ADGRV1: variants seen among roughly 807,000 people sequenced by gnomAD.
ADGRV1 encodes G-protein coupled receptor 98.
ADGRV1 carries 359 observed loss-of-function variants against 596.2 expected under a neutral mutation model. The ratio of observed to expected loss-of-function variants is 0.60; its 90% CI spans 0.55 to 0.66. ADGRV1 has a LOEUF of 0.66. ADGRV1 is among the 30% of genes least tolerant of loss of function. The probability of loss-of-function intolerance (pLI) is 0.00; values close to 1 mark genes in which losing one functional copy is unlikely to be tolerated. For synonymous variants in ADGRV1, 2,681 were observed against 2,679.2 expected (o/e 1.00, Z -0.02); for missense variants, 7,274 against 7,575.6 (o/e 0.96, Z 1.48).
intron 85 of ADGRV1, among the ~76,000 whole-genome samples, chr5:91,000,726 T>C (rs1781791579): frequency 6.9e-6 from 1 of 145,146 alleles, no homozygotes; most frequent in African/African-American, 2.6e-5. Flanking sequence ...ACATTTATTA[T>C]AAGGAATGGC....
chr5:91,019,997 A>G (rs112889366), intron 85 of ADGRV1, among the ~76,000 whole-genome samples: 2,272 of 152,138 alleles, frequency 0.015, 53 homozygotes, highest in African/African-American at 0.052. Flanking sequence ...TGGGCCTGTC[A>G]AAGCCTTAGT....
rs564372034 is a variant in ADGRV1 at position 90,843,412 on chromosome 5, C to T, written c.17019+2427C>T. Among the ~76,000 whole-genome samples the T allele has an allele frequency of 7.7e-5, 10 of 130,016 alleles. No homozygotes were observed. The South Asian group carries it at 1.2e-3, about 15-fold the overall frequency. The allele number at this position is 130,016 out of a possible 152,430, so 85.3% of individuals were successfully genotyped here. The stretch of plus-strand genomic sequence containing the variant: ...AAGTGCTATTTAAAAATCAATGGGT[C>T]GAAAATATTATTCAGCAAATAGTGT... On this transcript the variant is annotated intron_variant, in intron 78 of 89. Coordinates refer to ENST00000405460, the MANE Select transcript of ADGRV1 (RefSeq NM_032119.4).
Position 90,628,562 on chromosome 5 carries a change from A to T in ADGRV1, c.1239A>T (p.Arg413Ser). ...ATGTATTTCTTTTAAAACATTTAAG[A>T]TATGAAGAAATCACAGTGGTTAGAA... ...TVIIDEDRIS[R>S]YEEITVVRNG... The change falls in exon 8 of 90, where the codon AGA becomes AGT. Residue 413 changes from arginine to serine, a missense_variant and splice_region_variant. Arg to Ser is a moderately radical substitution (Grantham distance 110). Transcript: ENST00000405460. 1 of 1,612,476 alleles carries T rather than the reference A, an allele frequency of 6.2e-7. No homozygotes were observed. The highest frequency in any genetic ancestry group is 8.5e-7 in the Non-Finnish European group (1 of 1,178,604).
intron 85 of ADGRV1, among the ~76,000 whole-genome samples, chr5:91,061,696 G>T (rs1465117329): frequency 6.6e-6 from 1 of 152,106 alleles, no homozygotes; most frequent in East Asian, 1.9e-4. Flanking sequence ...TACATTTTAA[G>T]CACTTAAAAA....
At chr5:90,582,284 T>C (rs559220271) in intron 1 of ADGRV1, among the ~76,000 whole-genome samples, 2 of 152,278 alleles carry the variant, frequency 1.3e-5, no homozygotes, top group Admixed American at 6.5e-5. Flanking sequence ...ACACTGTCAG[T>C]GGAATGTTGA....
At chr5:91,019,053 C>T (rs1160913527) in intron 85 of ADGRV1, among the ~76,000 whole-genome samples, 1 of 151,936 alleles carries the variant, frequency 6.6e-6, no homozygotes, top group East Asian at 1.9e-4. Flanking sequence ...TTCAACAGTT[C>T]CAACAGAAGT....
At chr5:90,847,274 G>A (rs1245293685) in intron 78 of ADGRV1, among the ~76,000 whole-genome samples, 1 of 151,486 alleles carries the variant, frequency 6.6e-6, no homozygotes, top group Non-Finnish European at 1.5e-5. Context: ...GTCCCCACCA[G>A]ATTAACTAGA....
intron 85 of ADGRV1, among the ~76,000 whole-genome samples, chr5:91,023,937 T>G (rs540070969): frequency 3.9e-5 from 6 of 152,280 alleles, no homozygotes; most frequent in Non-Finnish European, 7.4e-5. Context: ...TTTCGTGTTT[T>G]TCATCTTAAA....
chr5:90,817,533 T>G (rs553156482), intron 75 of ADGRV1, among the ~76,000 whole-genome samples: 58 of 151,856 alleles, frequency 3.8e-4, no homozygotes, highest in Admixed American at 1.4e-3. Context: ...CTTCTAGGGT[T>G]TTTATGGTTT....
At chr5:91,026,810 A>G (rs1468398442) in intron 85 of ADGRV1, among the ~76,000 whole-genome samples, 1 of 152,138 alleles carries the variant, frequency 6.6e-6, no homozygotes, top group East Asian at 1.9e-4. Context: ...CTGCAACGAG[A>G]ATAGGATCCG....
intron 85 of ADGRV1, among the ~76,000 whole-genome samples, chr5:91,034,180 T>C (rs988176018): frequency 2.6e-5 from 4 of 152,136 alleles, no homozygotes; most frequent in African/African-American, 9.6e-5. Flanking sequence ...AGACCAAATC[T>C]AGTATAGGCG....
At chr5:91,144,064 G>C (rs141254452) in intron 87 of ADGRV1, among the ~76,000 whole-genome samples, 1,871 of 152,154 alleles carry the variant, frequency 0.012, 33 homozygotes, top group African/African-American at 0.04. Context: ...AGTGGGAGCG[G>C]GCCTGCAGGG....
intron 83 of ADGRV1, among the ~76,000 whole-genome samples, chr5:90,864,444 G>T (rs1219076619): frequency 6.6e-6 from 1 of 152,108 alleles, no homozygotes. Context: ...TATCCATACG[G>T]TGTTCATAGT....
In ADGRV1 at chr5:90,791,252, A is replaced by G. The variant is rs1760040160; in HGVS notation, c.14423A>G (p.Lys4808Arg). The change falls in exon 70 of 90, where the codon AAA becomes AGA. Residue 4808 changes from lysine to arginine, a missense_variant. This residue lies in a region of ADGRV1 where 1,874 missense variants were observed against 1,970.2 expected (regional missense o/e 0.95). Coordinates refer to ENST00000405460, the MANE Select transcript of ADGRV1 (RefSeq NM_032119.4). ...GGGCTTCGAATATCATCGGATCATA[A>G]AGAACAGCCGATTGTTACCGAAAAT... is the stretch of plus-strand genomic sequence containing the variant. The part of the protein sequence containing the change: ...AVGLRISSDH[K>R]EQPIVTENAE... 6.2e-7 allele frequency: 1 copy of G among 1,612,072 alleles called. No homozygotes were observed.
Position 90,811,306 on chromosome 5 carries a change from G to C in ADGRV1, c.16046G>C (p.Gly5349Ala). ...AQIVEEKDDT[G>A]FAAFAMVIIT... ...ATTGTGGAGGAGAAGGATGATACTG[G>C]ATTTGCAGCTTTTGCCATGGTTATT... Residue 5349 changes from glycine (G) to alanine (A), a missense_variant, in exon 74 of 90, where the codon GGA (glycine) becomes GCA (alanine). Around this residue, in one of 5 missense-constraint regions of ADGRV1, gnomAD observed 1,874 missense variants for 1,970.2 expected, o/e 0.95. Coordinates refer to ENST00000405460, the MANE Select transcript of ADGRV1 (RefSeq NM_032119.4). 1.2e-6 allele frequency: 2 copies of C among 1,608,284 alleles called. No homozygotes were observed. Among genetic ancestry groups the C allele is most frequent in the Non-Finnish European group, 1.7e-6 (2 of 1,177,296 alleles).
intron 83 of ADGRV1, among the ~76,000 whole-genome samples, chr5:90,896,292 A>G (rs1432122661): frequency 1.3e-5 from 1 of 77,040 alleles, no homozygotes; most frequent in African/African-American, 4.7e-5. Flanking sequence ...TTTTTTTGAG[A>G]CAGAGTCTTG....
intron 85 of ADGRV1, among the ~76,000 whole-genome samples, chr5:91,007,001 T>C (rs1466711902): frequency 6.6e-6 from 1 of 152,170 alleles, no homozygotes; most frequent in Non-Finnish European, 1.5e-5. Flanking sequence ...CCAGCAAAAT[T>C]AAATCTCATC....
intron 4 of ADGRV1, among the ~76,000 whole-genome samples, 181 bp from the exon 5 acceptor site, chr5:90,622,416 T>C (rs931666850): frequency 2.0e-5 from 3 of 152,234 alleles, no homozygotes; most frequent in African/African-American, 7.2e-5. Flanking sequence ...TACACTATTC[T>C]TTTTAACTTT....
chr5:90,684,153 C>G lies in ADGRV1; in HGVS notation c.6232C>G (p.Leu2078Val), dbSNP rs1236671098. 2 of 1,613,436 alleles carry G rather than the reference C, an allele frequency of 1.2e-6. No individual in the cohort carries two copies. Among genetic ancestry groups the G allele is most frequent in the Non-Finnish European group, 1.7e-6 (2 of 1,179,712 alleles). Residue 2078 changes from leucine to valine, a missense_variant, in exon 28 of 90, where the codon CTA becomes GTA. Physicochemically the swap from Leu to Val is conservative, Grantham distance 32. Transcript: ENST00000405460. ...PERSESVFIE[L>V]LNSTLVAKVQ... ...AAGGTCCGAATCTGTCTTTATCGAA[C>G]TACTCAACTCTACTTTAGTAGCGAA...
Sources: gnomAD v4.1 joint callset for allele counts (sites outside exome capture counted in the v4.1 genomes callset) on GRCh38, gnomAD v4.1.1 for gene constraint, gnomAD v4.1.1 regional missense constraint, MANE v1.5 for transcripts, NCBI Gene and HGNC (gene_info 2026-07-23, HGNC 2026-07-21) for gene names.